UNC13B: variants seen among roughly 807,000 people sequenced by gnomAD.
UNC13B encodes protein unc-13 homolog B.
In UNC13B, 144 loss-of-function variants were observed where a neutral mutation model predicts 211.0. That is an observed-to-expected ratio of 0.68 (90% confidence interval 0.60 to 0.78). UNC13B has a LOEUF of 0.78. Among genes scored for constraint, UNC13B ranks in the 30% least tolerant of loss-of-function variants. The probability of loss-of-function intolerance (pLI) is 0.00; values close to 1 mark genes in which losing one functional copy is unlikely to be tolerated. For synonymous variants in UNC13B, 709 were observed against 725.8 expected (o/e 0.98, Z 0.37); for missense variants, 1,777 against 2,002.0 (o/e 0.89, Z 2.14).
intron 11 of UNC13B, 103 bp from the exon 12 acceptor site, chr9:35,366,844 G>C (rs1833801126): frequency 1.0e-6 from 1 of 983,306 alleles, no homozygotes; most frequent in Non-Finnish European, 1.6e-6. Flanking sequence ...TGGTGAATGT[G>C]ACTTACACTG....
At chr9:35,363,470 C>T (rs2132136551) in intron 11 of UNC13B, among the ~76,000 whole-genome samples, 1 of 152,260 alleles carries the variant, frequency 6.6e-6, no homozygotes, top group Non-Finnish European at 1.5e-5. Flanking sequence ...CTCATCTTTC[C>T]CACCTTCCTG....
At chr9:35,398,683 G>T (rs765679446) in intron 32 of UNC13B, 41 bp downstream of exon 32, 1 of 1,607,320 alleles carries the variant, frequency 6.2e-7, no homozygotes, top group Admixed American at 1.7e-5. Context: ...AGCCAGATGT[G>T]GTCCCTAGCC....
intron 20 of UNC13B, among the ~76,000 whole-genome samples, chr9:35,381,979 A>G (rs1424013581): frequency 2.6e-5 from 4 of 152,186 alleles, no homozygotes; most frequent in African/African-American, 9.7e-5. Context: ...ATGTGAGAGT[A>G]TGCAAGGACA....
At chr9:35,254,756 T>A (rs906204511) in intron 6 of UNC13B, among the ~76,000 whole-genome samples, 1 of 150,288 alleles carries the variant, frequency 6.7e-6, no homozygotes, top group Non-Finnish European at 1.5e-5. Context: ...TATTAATAGT[T>A]CTGATACTTT....
chr9:35,232,830 G>T (rs1000490198), intron 3 of UNC13B, among the ~76,000 whole-genome samples: 12 of 152,142 alleles, frequency 7.9e-5, no homozygotes, highest in African/African-American at 2.9e-4. Flanking sequence ...AGCTTAGGGA[G>T]AGAATGTGTA....
In UNC13B at chr9:35,276,305, C is replaced by CAA. The variant is rs35634253; in HGVS notation, c.526+17273_526+17274dup. ...TGGGTGACAGAGTGAGAGCCTGTCT[C>CAA]AAAAAAAAAAAAAAAAAAAGGCATA... On this transcript the variant is annotated intron_variant, in intron 7 of 39. Coordinates refer to ENST00000635942, the MANE Select transcript of UNC13B (RefSeq NM_001371189.2). Among the ~76,000 whole-genome samples, 351 of 83,960 alleles carry CAA rather than the reference C, an allele frequency of 4.2e-3. 1 individual carries two copies. The highest frequency in any genetic ancestry group is 0.027 in the South Asian group (59 of 2,168). The allele number at this position is 83,960 out of a possible 152,430, so 55.1% of individuals were successfully genotyped here.
chr9:35,190,021 A>G (rs182609438), intron 1 of UNC13B, among the ~76,000 whole-genome samples: 11 of 152,294 alleles, frequency 7.2e-5, no homozygotes, highest in Non-Finnish European at 1.5e-4. Flanking sequence ...CCTTGGAGGA[A>G]CAGGGCCAGG....
intron 25 of UNC13B, 68 bp downstream of exon 25, chr9:35,390,041 C>G: frequency 6.3e-7 from 1 of 1,594,422 alleles, no homozygotes; most frequent in South Asian, 1.1e-5. Context: ...CAACCTCTTT[C>G]TTTCCTGTCT....
At chr9:35,394,765 G>A (rs1438589640) in intron 26 of UNC13B, among the ~76,000 whole-genome samples, 1 of 152,174 alleles carries the variant, frequency 6.6e-6, no homozygotes, top group Non-Finnish European at 1.5e-5. Context: ...CTTTCTGACA[G>A]ATTACCCCAC....
chr9:35,377,363 C>A, intron 15 of UNC13B, 105 bp from the exon 16 acceptor site: 1 of 1,172,080 alleles, frequency 8.5e-7, no homozygotes, highest in Non-Finnish European at 1.2e-6. Context: ...AGCAACCAGG[C>A]TGGCTGCATA....
rs182280550 is a variant in UNC13B at position 35,401,996 on chromosome 9, G to A, written c.12485-1171G>A. 272 of 1,550,588 alleles carry A rather than the reference G, an allele frequency of 1.8e-4. No homozygotes were observed. The East Asian group carries it at 1.9e-3, about 11-fold the overall frequency. On this transcript the variant is annotated intron_variant, in intron 37 of 39. Transcript: ENST00000635942. ...AGATTTACTGCTAATGAGGACATTC[G>A]TCCGGAAAAGGGTATGTTGTACACC... is the stretch of plus-strand genomic sequence containing the variant.
chr9:35,254,347 G>T (rs1157698466), intron 6 of UNC13B, among the ~76,000 whole-genome samples: 1 of 152,164 alleles, frequency 6.6e-6, no homozygotes, highest in Non-Finnish European at 1.5e-5. Flanking sequence ...GTCTGGTGAG[G>T]GCCCATTTCC....
intron 36 of UNC13B, 50 bp downstream of exon 36, chr9:35,399,779 C>A: frequency 6.3e-7 from 1 of 1,579,336 alleles, no homozygotes. Flanking sequence ...ACTCACTTGG[C>A]CCTGGCATTC....
intron 24 of UNC13B, 76 bp downstream of exon 24, chr9:35,386,369 G>A (rs1587747378): frequency 1.3e-6 from 2 of 1,590,828 alleles, no homozygotes; most frequent in Admixed American, 3.4e-5. Flanking sequence ...TGATGGTGGT[G>A]GAAAAGCACT....
intron 1 of UNC13B, among the ~76,000 whole-genome samples, chr9:35,194,757 C>T (rs1024310587): frequency 6.6e-6 from 1 of 152,156 alleles, no homozygotes; most frequent in African/African-American, 2.4e-5. Flanking sequence ...TGAGTGAGCA[C>T]CCTGACATGA....
intron 7 of UNC13B, among the ~76,000 whole-genome samples, chr9:35,261,742 T>C (rs947784703): frequency 3.9e-5 from 6 of 152,172 alleles, no homozygotes; most frequent in African/African-American, 1.4e-4. Context: ...TTTGTACGCA[T>C]TAACCGTCCC....
chr9:35,328,638 T>TC (rs1831165755), intron 11 of UNC13B, among the ~76,000 whole-genome samples: 2 of 94,046 alleles, frequency 2.1e-5, no homozygotes, highest in African/African-American at 9.1e-5. Context: ...CTTCCTTCCT[T>TC]CCTTCCTTCC....
intron 11 of UNC13B, among the ~76,000 whole-genome samples, chr9:35,357,312 G>A (rs148709930): frequency 3.0e-3 from 461 of 152,152 alleles, no homozygotes; most frequent in Middle Eastern, 6.8e-3. Flanking sequence ...TTTGATTTGT[G>A]TTTCTCTAGT....
intron 11 of UNC13B, among the ~76,000 whole-genome samples, chr9:35,350,634 C>T (rs1832661591): frequency 6.6e-6 from 1 of 152,216 alleles, no homozygotes; most frequent in Non-Finnish European, 1.5e-5. Flanking sequence ...CTGCCTCTCT[C>T]ATGCTAAATG....
Sources: allele counts gnomAD v4.1 joint callset (sites outside exome capture counted in the v4.1 genomes callset), GRCh38; gene constraint gnomAD v4.1.1; transcripts MANE v1.5; gene names NCBI Gene and HGNC (gene_info 2026-07-23, HGNC 2026-07-21).